The following SLC12A7 variants were observed in gnomAD, a reference collection of about 807,000 sequenced individuals.
The protein encoded by SLC12A7 is K-Cl cotransporter 4.
A neutral mutation model predicts 120.6 loss-of-function variants in SLC12A7; 100 were observed. The observed-to-expected ratio is 0.83, with a 90% CI of 0.71 to 0.98. The LOEUF (loss-of-function observed/expected upper bound fraction) is 0.98. SLC12A7 is among the 50% of genes least tolerant of loss of function. The probability of loss-of-function intolerance (pLI) is 0.00; values close to 1 mark genes in which losing one functional copy is unlikely to be tolerated. For synonymous variants in SLC12A7, 760 were observed against 678.0 expected (o/e 1.12, Z -1.88); for missense variants, 1,373 against 1,548.1 (o/e 0.89, Z 1.90).
At chr5:1,087,881 A>G (rs572455259) in intron 5 of SLC12A7, among the ~76,000 whole-genome samples, 29 of 152,222 alleles carry the variant, frequency 1.9e-4, no homozygotes, top group Non-Finnish European at 3.8e-4. Flanking sequence ...ATCTCGGTTC[A>G]CTAGTTATTT....
In SLC12A7 at chr5:1,052,390, G is replaced by A. The variant is rs375823852; in HGVS notation, c.3222C>T (p.Gly1074=). 57 of 1,612,794 alleles carry A rather than the reference G, an allele frequency of 3.5e-5. No individual in the cohort carries two copies. In the African/African-American group the frequency reaches 3.6e-4, roughly 10 times the overall value. The change falls in exon 24 of 24, where the codon GGC becomes GGT. Residue 1074 remains glycine (G), a synonymous_variant. Transcript: ENST00000264930. Reference sequence around the variant, plus strand: ...AGTAGATGGTGATCACCTCCCGGCCGCCACCCCTGACCAGGAGGACTCTGT... The same window carrying A: ...AGTAGATGGTGATCACCTCCCGGCCACCACCCCTGACCAGGAGGACTCTGT... ...GLNRVLLVRG[G]GREVITIYS is the part of the protein sequence containing the mutation.
chr5:1,086,755 C>CAGAGCCCAGG, intron 6 of SLC12A7, 148 bp downstream of exon 6: 1 of 1,109,462 alleles, frequency 9.0e-7, no homozygotes, highest in Non-Finnish European at 1.3e-6. Context: ...CCGCCATGGC[C>CAGAGCCCAGG]AGAGCCCAGG....
the SLC12A7 span, among the ~76,000 whole-genome samples, chr5:1,135,509 G>A: frequency 1.6e-4 from 24 of 152,168 alleles, 1 homozygote; most frequent in East Asian, 2.3e-3. Flanking sequence ...CTGCTGCCCC[G>A]GGATCCAGGG....
chr5:1,063,885 A>C lies in SLC12A7; in HGVS notation c.2698T>G (p.Tyr900Asp). Residue 900 changes from tyrosine to aspartate, a missense_variant, in exon 20 of 24, where the codon TAC becomes GAC. Tyr to Asp is a radical substitution (Grantham distance 160, BLOSUM62 -3). Transcript: ENST00000264930. ...ACCTCGGCGCTGATGCGCAAGTGGT[A>C]CAAGAACATCTGCAGGTCCTTCTTC... ...QMKKDLQMFL[Y>D]HLRISAEVEV... 6.2e-7 allele frequency: 1 copy of C among 1,600,720 alleles called. No homozygotes were observed.
In SLC12A7 at chr5:1,075,256, G is replaced by C. The variant is rs571633893; in HGVS notation, c.1967+115C>G. On this transcript the variant is annotated intron_variant, in intron 15 of 23. Transcript: ENST00000264930. ...ACGTGCTCCCAGCTGCCCCTGTGAG[G>C]GCACACGACGCTCAAGCCCCAGGGA... 42 of 1,416,442 alleles carry C rather than the reference G, an allele frequency of 3.0e-5. No homozygotes were observed. In the East Asian group the frequency reaches 9.5e-4, roughly 32 times the overall value. The allele number at this position is 1,416,442 out of a possible 1,614,324, so 87.7% of individuals were successfully genotyped here.
chr5:1,088,924 C>G, intron 4 of SLC12A7, 58 bp downstream of exon 4: 1 of 1,604,704 alleles, frequency 6.2e-7, no homozygotes, highest in Non-Finnish European at 8.5e-7. Context: ...GGGGAGAGCC[C>G]TACTGTCCAG....
intron 17 of SLC12A7, among the ~76,000 whole-genome samples, chr5:1,069,208 C>A (rs554301753): frequency 1.3e-5 from 2 of 152,244 alleles, no homozygotes; most frequent in South Asian, 2.1e-4. Flanking sequence ...TGGCCATCCA[C>A]GTGGCCAACG....
chr5:1,147,073 G>A, the SLC12A7 span, among the ~76,000 whole-genome samples: 8 of 152,142 alleles, frequency 5.3e-5, no homozygotes, highest in Non-Finnish European at 2.9e-5. Flanking sequence ...CTCCATCCAT[G>A]TGGCAGTGTG....
the SLC12A7 span, among the ~76,000 whole-genome samples, chr5:1,153,727 G>A: frequency 6.6e-6 from 1 of 152,176 alleles, no homozygotes. Context: ...ACTAACCGGC[G>A]ACCTGCAGAA....
chr5:1,063,827 A>T lies in SLC12A7; in HGVS notation c.2739+17T>A. On this transcript the variant is annotated intron_variant, in intron 20 of 23. Coordinates refer to ENST00000264930, the MANE Select transcript of SLC12A7 (RefSeq NM_006598.3). ...CACCTCCCCCCGGCCTCCTCCCCTC[A>T]AGCCCTCGGGACTCACCATCTCCAC... is the stretch of plus-strand genomic sequence containing the variant. 1.6e-6 allele frequency: 1 copy of T among 616,266 alleles called. No homozygotes were observed. The highest frequency in any genetic ancestry group is 2.3e-6 in the Non-Finnish European group (1 of 442,170). 38.2% of individuals were successfully genotyped at this position (616,266 alleles called of 1,614,324 possible).
At chr5:1,082,859 C>T (rs75190336) in intron 8 of SLC12A7, among the ~76,000 whole-genome samples, 14 of 137,444 alleles carry the variant, frequency 1.0e-4, no homozygotes, top group African/African-American at 3.9e-4. Context: ...CTTCCCGTCT[C>T]GGGTTCTGGA....
chr5:1,086,202 T>C (rs1019998784), intron 6 of SLC12A7, among the ~76,000 whole-genome samples: 3 of 152,106 alleles, frequency 2.0e-5, no homozygotes, highest in African/African-American at 4.8e-5. Context: ...TTCTTGGCCA[T>C]GTGGCTCTCT....
intron 22 of SLC12A7, among the ~76,000 whole-genome samples, chr5:1,053,914 C>T (rs1423899577): frequency 6.6e-6 from 1 of 152,260 alleles, no homozygotes; most frequent in Non-Finnish European, 1.5e-5. Context: ...AACCCCACGT[C>T]AGACACTGCC....
the SLC12A7 span, among the ~76,000 whole-genome samples, chr5:1,122,545 C>T: frequency 4.6e-5 from 7 of 152,290 alleles, 1 homozygote; most frequent in South Asian, 4.1e-4. Context: ...ACGGACGAAC[C>T]GCATTCCCAC....
chr5:1,106,339 G>A (rs569440465), intron 1 of SLC12A7, among the ~76,000 whole-genome samples: 8 of 151,314 alleles, frequency 5.3e-5, no homozygotes, highest in Admixed American at 2.6e-4. Flanking sequence ...TGTGGTCCCC[G>A]CTACTCGGGA....
intron 1 of SLC12A7, among the ~76,000 whole-genome samples, chr5:1,096,654 T>C (rs1378787257): frequency 1.5e-5 from 2 of 136,910 alleles, no homozygotes; most frequent in African/African-American, 5.7e-5. Context: ...GCAGCTATTC[T>C]TAGAGGGAGG....
At chr5:1,119,668 A>G in the SLC12A7 span, among the ~76,000 whole-genome samples, 5 of 152,314 alleles carry the variant, frequency 3.3e-5, no homozygotes, top group South Asian at 1.0e-3. Context: ...GCACCCTTTC[A>G]GCCACCCCGT....
chr5:1,105,878 C>T (rs148216536), intron 1 of SLC12A7, among the ~76,000 whole-genome samples: 4 of 152,324 alleles, frequency 2.6e-5, no homozygotes, highest in Non-Finnish European at 4.4e-5. Flanking sequence ...ATGCCGTCCA[C>T]GCCCAGCCCC....
At chr5:1,096,297 T>C (rs1393256876) in intron 1 of SLC12A7, among the ~76,000 whole-genome samples, 4 of 152,202 alleles carry the variant, frequency 2.6e-5, no homozygotes, top group Non-Finnish European at 5.9e-5. Context: ...ACAGCCAACA[T>C]GGCAGGAGGT....
Sources: allele counts gnomAD v4.1 joint callset (sites outside exome capture counted in the v4.1 genomes callset), GRCh38; gene constraint gnomAD v4.1.1; transcripts MANE v1.5; gene names NCBI Gene and HGNC (gene_info 2026-07-23, HGNC 2026-07-21).